The following RTL10 variants were observed in gnomAD, a reference collection of about 807,000 sequenced individuals.
RTL10 encodes the protein protein Bop.
For synonymous variants in RTL10, 199 were observed against 188.4 expected (o/e 1.06, Z -0.46); for missense variants, 477 against 470.7 (o/e 1.01, Z -0.12).
Position 19,848,233 on chromosome 22 carries a change from G to A in RTL10, c.*2934C>T, listed in dbSNP as rs35077427. 0.057 allele frequency: 56,366 copies of A among 985,298 alleles called. 1,674 individuals are homozygous for A. Among genetic ancestry groups the A allele is most frequent in the Non-Finnish European group, 0.06 (50,180 of 829,816 alleles). 61.0% of individuals were successfully genotyped at this position (985,298 alleles called of 1,614,324 possible). ...AAATAAAATCTCTGGGTATTTCCAA[G>A]GGAAGTGAAGGACTGACACCATGAT... On this transcript the variant is annotated 3_prime_UTR_variant, in exon 3 of 3. Transcript: ENST00000328554.
chr22:19,851,350 C>T lies in RTL10; in HGVS notation c.912G>A (p.Ser304=), dbSNP rs78844806. 5,398 of 1,614,042 alleles carry T rather than the reference C, an allele frequency of 3.3e-3. 149 individuals are homozygous for T. The African/African-American group carries it at 0.065, about 19-fold the overall frequency. Residue 304 remains serine, a synonymous_variant, in exon 3 of 3, where the codon TCG becomes TCA. Coordinates refer to ENST00000328554, the MANE Select transcript of RTL10 (RefSeq NM_024627.6). The part of the protein sequence containing the change: ...EAAPTPVPRL[S]ESANPPAQRP... Reference sequence around the variant, plus strand: ...TCTGGGCAGGAGGATTAGCTGACTCCGACAGTCTAGGGACAGGTGTGGGGG... The same window carrying T: ...TCTGGGCAGGAGGATTAGCTGACTCTGACAGTCTAGGGACAGGTGTGGGGG...
Position 19,850,550 on chromosome 22 carries a change from C to A in RTL10, c.*617G>T. ...GCATCCCACCTTCCTGCATCCAAAC[C>A]TTCCAGCTGCCCAGAACTGCTGGTA... On this transcript the variant is annotated 3_prime_UTR_variant, in exon 3 of 3. Transcript: ENST00000328554. 1 of 1,105,968 alleles carries A rather than the reference C, an allele frequency of 9.0e-7. No homozygotes were observed. Among genetic ancestry groups the A allele is most frequent in the Non-Finnish European group, 1.1e-6 (1 of 907,748 alleles). 68.5% of individuals were successfully genotyped at this position (1,105,968 alleles called of 1,614,324 possible).
rs143681842 is a variant in RTL10, at chr22:19,852,464, C to T, written c.-203G>A. 78 of 596,136 alleles carry T rather than the reference C, an allele frequency of 1.3e-4. No homozygotes were observed. The highest frequency in any genetic ancestry group is 1.2e-3 in the African/African-American group (66 of 53,852). 36.9% of individuals were successfully genotyped at this position (596,136 alleles called of 1,614,324 possible). On this transcript the variant is annotated 5_prime_UTR_variant, in exon 3 of 3. Coordinates refer to ENST00000328554, the MANE Select transcript of RTL10 (RefSeq NM_024627.6). ...TGAGAAGAGCTGAGAGACTGTCAGT[C>T]GCAGGCCATCATCCGAGGCAATCTG...
chr22:19,853,916 C>A (rs1456800181), intron 2 of RTL10, among the ~76,000 whole-genome samples: 2 of 152,210 alleles, frequency 1.3e-5, no homozygotes, highest in African/African-American at 4.8e-5. Flanking sequence ...AATGACCACA[C>A]CCCATGCCCG....
chr22:19,847,278 G>A lies in RTL10; in HGVS notation c.*3889C>T, dbSNP rs1001156203. ...CAGTGCCAACTGTAGCCGCTGCGCTGTTGGAGATCTTTGTTACTGCAGCAC... is the reference window on the plus strand; with the variant it reads ...CAGTGCCAACTGTAGCCGCTGCGCTATTGGAGATCTTTGTTACTGCAGCAC... On this transcript the variant is annotated 3_prime_UTR_variant, in exon 3 of 3. Coordinates refer to ENST00000328554, the MANE Select transcript of RTL10 (RefSeq NM_024627.6). 2.4e-5 allele frequency: 24 copies of A among 984,886 alleles called. No homozygotes were observed. The African/African-American group carries it at 3.7e-4, about 15-fold the overall frequency. The allele number at this position is 984,886 out of a possible 1,614,324, so 61.0% of individuals were successfully genotyped here. A position where few individuals can be genotyped will look rare whatever the true frequency, so the allele number is the denominator to read the frequency against.
At chr22:19,852,815 A>C (rs1938140906) in intron 2 of RTL10, among the ~76,000 whole-genome samples, 1 of 152,120 alleles carries the variant, frequency 6.6e-6, no homozygotes, top group African/African-American at 2.4e-5. Context: ...TGGTACTAGC[A>C]TTGTCTTTGA....
In RTL10 at chr22:19,848,916, G is replaced by A. The variant is rs1938028558; in HGVS notation, c.*2251C>T. 3 of 985,256 alleles carry A rather than the reference G, an allele frequency of 3.0e-6. No homozygotes were observed. Among genetic ancestry groups the A allele is most frequent in the African/African-American group, 1.7e-5 (1 of 57,222 alleles). 61.0% of individuals were successfully genotyped at this position (985,256 alleles called of 1,614,324 possible). ...GGGTAAAGGTCAGCTGGGTGACTAG[G>A]CTGTCCATCCTAGAGAGCAACTCTG... On this transcript the variant is annotated 3_prime_UTR_variant, in exon 3 of 3. Coordinates refer to ENST00000328554, the MANE Select transcript of RTL10 (RefSeq NM_024627.6).
chr22:19,852,295 G>A lies in RTL10; in HGVS notation c.-34C>T. On this transcript the variant is annotated 5_prime_UTR_variant, in exon 3 of 3. Coordinates refer to ENST00000328554, the MANE Select transcript of RTL10 (RefSeq NM_024627.6). ...CACAGGGGAGAAGAGAGGAGAGCCA[G>A]CACTGGTGGGTGGTGGGGGTGTGGA... 6.4e-7 allele frequency: 1 copy of A among 1,571,722 alleles called. No homozygotes were observed. Among genetic ancestry groups the A allele is most frequent in the Non-Finnish European group, 8.6e-7 (1 of 1,157,016 alleles).
chr22:19,848,436 G>A lies in RTL10; in HGVS notation c.*2731C>T, dbSNP rs2145903437. 2.0e-6 allele frequency: 2 copies of A among 985,494 alleles called. No homozygotes were observed. Among genetic ancestry groups the A allele is most frequent in the South Asian group, 4.7e-5 (1 of 21,280 alleles). 61.0% of individuals were successfully genotyped at this position (985,494 alleles called of 1,614,324 possible). On this transcript the variant is annotated 3_prime_UTR_variant, in exon 3 of 3. Transcript: ENST00000328554. ...CAGGAAAGCAGCTTGGTCATCATCTGTCTGAAAGCAGGTGCTGCAGCAGCT... is the reference window on the plus strand; with the variant it reads ...CAGGAAAGCAGCTTGGTCATCATCTATCTGAAAGCAGGTGCTGCAGCAGCT...
chr22:19,846,755 G>C lies in RTL10; in HGVS notation c.*4412C>G, dbSNP rs755811664. 2.7e-6 allele frequency: 1 copy of C among 370,080 alleles called. No individual in the cohort carries two copies. 22.9% of individuals were successfully genotyped at this position (370,080 alleles called of 1,614,324 possible). A position where few individuals can be genotyped will look rare whatever the true frequency, so the allele number is the denominator to read the frequency against. The stretch of plus-strand genomic sequence containing the variant: ...AGGACACAGACACAGACAGGGACAC[G>C]GCAAGAAGATGGCTATCTGCAGGCC... On this transcript the variant is annotated 3_prime_UTR_variant, in exon 3 of 3. Coordinates refer to ENST00000328554, the MANE Select transcript of RTL10 (RefSeq NM_024627.6).
Position 19,848,759 on chromosome 22 carries a change from AG to A in RTL10, c.*2407del. 2 of 985,564 alleles carry A rather than the reference AG, an allele frequency of 2.0e-6. No homozygotes were observed. The highest frequency in any genetic ancestry group is 2.4e-6 in the Non-Finnish European group (2 of 830,008). The allele number at this position is 985,564 out of a possible 1,614,324, so 61.1% of individuals were successfully genotyped here. A position where few individuals can be genotyped will look rare whatever the true frequency, so the allele number is the denominator to read the frequency against. On this transcript the variant is annotated 3_prime_UTR_variant, in exon 3 of 3. Coordinates refer to ENST00000328554, the MANE Select transcript of RTL10 (RefSeq NM_024627.6). ...ACCCCCAGGAGCTGCCTGGGTCCCA[AG>A]GGCACAAAAGCCCCAAAGCCCCAAT...
chr22:19,852,084 T>C lies in RTL10; in HGVS notation c.178A>G (p.Thr60Ala), dbSNP rs1263517940. 1 of 1,614,078 alleles carries C rather than the reference T, an allele frequency of 6.2e-7. No homozygotes were observed. Among genetic ancestry groups the C allele is most frequent in the East Asian group, 2.2e-5 (1 of 44,886 alleles). Residue 60 changes from threonine to alanine, a missense_variant, in exon 3 of 3, where the codon ACG (threonine) becomes GCG (alanine). Coordinates refer to ENST00000328554, the MANE Select transcript of RTL10 (RefSeq NM_024627.6). ...PCCGDTVCVR[T>A]TMEQKSTASG... is the part of the protein sequence containing the mutation. The stretch of plus-strand genomic sequence containing the variant: ...GCTGTGCTCTTCTGCTCCATGGTCG[T>C]TCGCACACACACGGTGTCCCCACAG...
chr22:19,851,850 G>C lies in RTL10; in HGVS notation c.412C>G (p.Arg138Gly). ...HFEHYQDNIS[R>G]VCEILRRLTG... is the part of the protein sequence containing the mutation. Reference sequence around the variant, plus strand: ...AGGCGCCTGAGGATCTCGCAGACACGGCTGATGTTGTCCTGATAGTGCTCA... The same window carrying C: ...AGGCGCCTGAGGATCTCGCAGACACCGCTGATGTTGTCCTGATAGTGCTCA... Residue 138 changes from arginine to glycine, a missense_variant, in exon 3 of 3, where the codon CGT (arginine) becomes GGT (glycine). Arg to Gly is a moderately radical substitution (Grantham distance 125). Transcript: ENST00000328554. The C allele has an allele frequency of 6.2e-7, 1 of 1,613,924 alleles. No individual in the cohort carries two copies. Among genetic ancestry groups the C allele is most frequent in the South Asian group, 1.1e-5 (1 of 91,070 alleles).
Position 19,852,263 on chromosome 22 carries a change from C to T in RTL10, c.-2G>A, listed in dbSNP as rs1392337888. 1.3e-6 allele frequency: 2 copies of T among 1,599,078 alleles called. No homozygotes were observed. The highest frequency in any genetic ancestry group is 2.2e-5 in the East Asian group (1 of 44,796). ...CTGACGGCACCGGCCACGAGGCATG[C>T]TGGGAGCACAGGGGAGAAGAGAGGA... On this transcript the variant is annotated 5_prime_UTR_variant, in exon 3 of 3. Transcript: ENST00000328554.
Position 19,849,306 on chromosome 22 carries a change from G to C in RTL10, c.*1861C>G. 3 of 979,962 alleles carry C rather than the reference G, an allele frequency of 3.1e-6. No homozygotes were observed. The highest frequency in any genetic ancestry group is 3.6e-6 in the Non-Finnish European group (3 of 825,282). 60.7% of individuals were successfully genotyped at this position (979,962 alleles called of 1,614,324 possible). On this transcript the variant is annotated 3_prime_UTR_variant, in exon 3 of 3. Transcript: ENST00000328554. ...CCATCTGAACCCAGAGCCTTTTCTA[G>C]TGATAGTTACCATAAAATAATCCCA...
Position 19,852,378 on chromosome 22 carries a change from C to A in RTL10, c.-117G>T. The A allele has an allele frequency of 9.0e-7, 1 of 1,112,598 alleles. No homozygotes were observed. The highest frequency in any genetic ancestry group is 1.3e-6 in the Non-Finnish European group (1 of 771,690). 68.9% of individuals were successfully genotyped at this position (1,112,598 alleles called of 1,614,324 possible). On this transcript the variant is annotated 5_prime_UTR_variant, in exon 3 of 3. Coordinates refer to ENST00000328554, the MANE Select transcript of RTL10 (RefSeq NM_024627.6). ...GATGGCTGAACAGGGCGTGGCAGAC[C>A]CGCACTGGTCCAGGCAAGTGCTGAG...
At position 19,847,807 on chromosome 22, in the gene RTL10, A is replaced by AAAAAAAAT; in HGVS notation, c.*3359_*3360insATTTTTTT. On this transcript the variant is annotated 3_prime_UTR_variant, in exon 3 of 3. Coordinates refer to ENST00000328554, the MANE Select transcript of RTL10 (RefSeq NM_024627.6). ...TTTAAAATCCTGGAATCATAGGCAAAAAAAAAAAAAAAAAAAAATTCACCC... is the reference window on the plus strand; with the variant it reads ...TTTAAAATCCTGGAATCATAGGCAAAAAAAAAATAAAAAAAAAAAAAAAAAATTCACCC... 1 of 710,156 alleles carries AAAAAAAAT rather than the reference A, an allele frequency of 1.4e-6. No homozygotes were observed. The highest frequency in any genetic ancestry group is 2.3e-5 in the African/African-American group (1 of 44,360). 44.0% of individuals were successfully genotyped at this position (710,156 alleles called of 1,614,324 possible).
At position 19,849,837 on chromosome 22, in the gene RTL10, A is replaced by C. The variant is rs939017259; in HGVS notation, c.*1330T>G. On this transcript the variant is annotated 3_prime_UTR_variant, in exon 3 of 3. Coordinates refer to ENST00000328554, the MANE Select transcript of RTL10 (RefSeq NM_024627.6). ...GACTTGAACTTCTTGTCCAAGCACC[A>C]GAGTGGGCACACACTGCACACACTG... 7.1e-6 allele frequency: 7 copies of C among 985,348 alleles called. No homozygotes were observed. The African/African-American group carries it at 1.2e-4, about 17-fold the overall frequency. The allele number at this position is 985,348 out of a possible 1,614,324, so 61.0% of individuals were successfully genotyped here.
Position 19,849,517 on chromosome 22 carries a change from C to T in RTL10, c.*1650G>A, listed in dbSNP as rs1056075882. The T allele has an allele frequency of 3.5e-6, 1 of 281,716 alleles. No individual in the cohort carries two copies. Among genetic ancestry groups the T allele is most frequent in the African/African-American group, 2.3e-5 (1 of 43,778 alleles). 17.5% of individuals were successfully genotyped at this position (281,716 alleles called of 1,614,324 possible). A position where few individuals can be genotyped will look rare whatever the true frequency, so the allele number is the denominator to read the frequency against. On this transcript the variant is annotated 3_prime_UTR_variant, in exon 3 of 3. Transcript: ENST00000328554. ...CCAAGTAGCTGAGATTACAGGCATG[C>T]ACCACCACACTTGGCTAATTTTGTA...
Sources: gnomAD v4.1 joint callset for allele counts (sites outside exome capture counted in the v4.1 genomes callset) on GRCh38, gnomAD v4.1.1 for gene constraint, MANE v1.5 for transcripts, NCBI Gene and HGNC (gene_info 2026-07-23, HGNC 2026-07-21) for gene names.